Variants in SHANK2 observed in about 807,000 individuals in gnomAD.
The protein encoded by SHANK2 is SH3 and multiple ankyrin repeat domains 2, also known as SH3 and multiple ankyrin repeat domains protein 2.
In SHANK2, 43 loss-of-function variants were observed where a neutral mutation model predicts 133.7. That is an observed-to-expected ratio of 0.32 (90% CI 0.25 to 0.41). The LOEUF (loss-of-function observed/expected upper bound fraction) is 0.41, where lower values mean the gene tolerates loss of function less well. Ranked by LOEUF, SHANK2 falls within the 10% of genes least tolerant of loss-of-function variation. SHANK2 has a pLI of 1.00. For missense variants in SHANK2, 1,994 were observed against 2,235.8 expected, an observed-to-expected ratio of 0.89 and a Z score of 2.18; for synonymous variants, 1,017 against 952.8, an observed-to-expected ratio of 1.07 and a Z score of -1.24.
intron 17 of SHANK2, among the ~76,000 whole-genome samples, chr11:70,558,427 T>C (rs2136116589): frequency 6.6e-6 from 1 of 152,360 alleles, no homozygotes; most frequent in East Asian, 1.9e-4. Context: ...GCCACAGAGC[T>C]GGCCTTCAAG....
chr11:70,851,073 G>T (rs1822872), intron 11 of SHANK2, among the ~76,000 whole-genome samples: 4,919 of 152,260 alleles, frequency 0.032, 233 homozygotes, highest in African/African-American at 0.11. Context: ...TGTAGGGACT[G>T]TCAGTCCCTG....
intron 17 of SHANK2, among the ~76,000 whole-genome samples, chr11:70,585,883 C>A (rs1440448991): frequency 7.2e-6 from 1 of 138,754 alleles, no homozygotes; most frequent in Non-Finnish European, 1.6e-5. Context: ...TCCATCCATC[C>A]ATGCATCCAC....
At chr11:70,769,565 A>AG (rs34245153) in intron 14 of SHANK2, among the ~76,000 whole-genome samples, 35,034 of 151,906 alleles carry the variant, frequency 0.23, 5,856 homozygotes, top group African/African-American at 0.47. Context: ...GGGGTGGGGC[A>AG]GGGGGGCTCT....
chr11:70,787,836 A>G (rs1555047029), intron 14 of SHANK2, among the ~76,000 whole-genome samples: 2 of 152,150 alleles, frequency 1.3e-5, no homozygotes, highest in Non-Finnish European at 1.5e-5. Flanking sequence ...AGATGTATCT[A>G]TGTTTAGGTC....
intron 22 of SHANK2, among the ~76,000 whole-genome samples, chr11:70,491,535 G>A (rs1043094590): frequency 1.3e-5 from 2 of 152,242 alleles, no homozygotes; most frequent in African/African-American, 4.8e-5. Flanking sequence ...GAAAAGCCTT[G>A]TGGTAAATTT....
In SHANK2 at chr11:70,479,796, T is replaced by C. The variant is rs1008749538; in HGVS notation, c.4979+5518A>G. 2.6e-5 allele frequency among the ~76,000 whole-genome samples: 4 copies of C among 152,246 alleles called. No homozygotes were observed. The highest frequency in any genetic ancestry group is 2.0e-4 in the Admixed American group (3 of 15,288). ...CTGGCTTTACTATCGGCGCCTGGTA[T>C]GTGTCAGTATCTCTCAATAAAGCTG... On this transcript the variant is annotated intron_variant, in intron 25 of 25. Coordinates refer to ENST00000601538, the MANE Select transcript of SHANK2 (RefSeq NM_012309.5). The surrounding 1 kb of genome is among the most constrained non-coding windows in gnomAD (Gnocchi z 4.4).
intron 3 of SHANK2, among the ~76,000 whole-genome samples, chr11:71,127,973 G>A (rs1158148822): frequency 1.1e-4 from 16 of 152,156 alleles, no homozygotes; most frequent in African/African-American, 2.2e-4. Context: ...CGCGTCTGCC[G>A]GCTGGAGCCC....
intron 17 of SHANK2, among the ~76,000 whole-genome samples, chr11:70,608,869 C>T (rs2060616854): frequency 6.6e-6 from 1 of 152,242 alleles, no homozygotes; most frequent in Non-Finnish European, 1.5e-5. Context: ...ACCCTTACAA[C>T]ACAGTCCCCA....
intron 20 of SHANK2, among the ~76,000 whole-genome samples, chr11:70,501,268 C>T (rs192893702): frequency 4.6e-5 from 7 of 152,212 alleles, no homozygotes; most frequent in African/African-American, 1.2e-4. Context: ...CGCCCTGGGC[C>T]GAGGAAGGAT....
At chr11:71,184,766 T>C (rs1953637819) in intron 2 of SHANK2, among the ~76,000 whole-genome samples, 1 of 152,218 alleles carries the variant, frequency 6.6e-6, no homozygotes, top group African/African-American at 2.4e-5. Flanking sequence ...CGGCGGCTGA[T>C]TGAACATTCT....
chr11:70,862,033 G>A (rs1483076942), intron 11 of SHANK2, among the ~76,000 whole-genome samples: 2 of 152,120 alleles, frequency 1.3e-5, no homozygotes, highest in African/African-American at 4.8e-5. Flanking sequence ...TGTCGCACTG[G>A]GTCTCCCAGG....
Position 71,092,317 on chromosome 11 carries a change from G to C in SHANK2, c.912+105C>G, listed in dbSNP as rs560335252. The C allele has an allele frequency of 1.4e-5, 18 of 1,258,574 alleles. 1 individual carries two copies. In the South Asian group the frequency reaches 2.2e-4, roughly 15 times the overall value. The allele number at this position is 1,258,574 out of a possible 1,614,324, so 78.0% of individuals were successfully genotyped here. A position where few individuals can be genotyped will look rare whatever the true frequency, so the allele number is the denominator to read the frequency against. On this transcript the variant is annotated intron_variant, in intron 8 of 25. Transcript: ENST00000601538. ...TCTGGGCAGGCCAAACAAAATACCT[G>C]AAGGCAGGATCTAACCTTTGGGCCA...
chr11:70,498,502 T>C (rs528516079), intron 21 of SHANK2, among the ~76,000 whole-genome samples: 2 of 152,306 alleles, frequency 1.3e-5, no homozygotes, highest in Non-Finnish European at 2.9e-5. Context: ...GTCCCCTTCA[T>C]GTGCCCAGGG....
intron 14 of SHANK2, among the ~76,000 whole-genome samples, chr11:70,794,383 G>T (rs565820381): frequency 2.6e-5 from 4 of 152,104 alleles, no homozygotes; most frequent in East Asian, 1.9e-4. Flanking sequence ...AGTACAAGTT[G>T]CAGGGTCTCA....
rs1269801355 is a variant in SHANK2 at position 70,639,876 on chromosome 11, G to A, written c.2061+19952C>T. On this transcript the variant is annotated intron_variant, in intron 17 of 25. Coordinates refer to ENST00000601538, the MANE Select transcript of SHANK2 (RefSeq NM_012309.5). ...CGGCCTCTCAGTGGTGGAGTTCTAC[G>A]TGGCTGGGATTGGGACATCAGTGGA... Among the ~76,000 whole-genome samples, 6 of 152,182 alleles carry A rather than the reference G, an allele frequency of 3.9e-5. No individual in the cohort carries two copies. In the East Asian group the frequency reaches 1.2e-3, roughly 29 times the overall value.
At chr11:70,558,108 C>T (rs551485197) in intron 17 of SHANK2, among the ~76,000 whole-genome samples, 1 of 152,230 alleles carries the variant, frequency 6.6e-6, no homozygotes, top group East Asian at 1.9e-4. Context: ...TGGCAGGGGT[C>T]CAGCTGCCCA....
At chr11:70,548,905 C>T (rs1472442326) in intron 17 of SHANK2, among the ~76,000 whole-genome samples, 1 of 152,128 alleles carries the variant, frequency 6.6e-6, no homozygotes, top group Non-Finnish European at 1.5e-5. Context: ...GCTGCTGCTG[C>T]AAGCCAAGGG....
At position 70,486,180 on chromosome 11, in the gene SHANK2, G is replaced by A. The variant is rs144836592; in HGVS notation, c.4113C>T (p.Pro1371=). 142 of 1,613,446 alleles carry A rather than the reference G, an allele frequency of 8.8e-5. No individual in the cohort carries two copies. In the African/African-American group the frequency reaches 1.6e-3, roughly 18 times the overall value. Residue 1371 remains proline (P), a synonymous_variant, in exon 25 of 26, where the codon CCC becomes CCT. Coordinates refer to ENST00000601538, the MANE Select transcript of SHANK2 (RefSeq NM_012309.5). The surrounding 1 kb of genome is among the most constrained non-coding windows in gnomAD (Gnocchi z 8.0). ...ISAAPEPTTV[P]GRTIVAVGSM... is the part of the protein sequence containing the mutation. ...AGCCCACCGCGACGATGGTTCTGCC[G>A]GGCACGGTGGTGGGCTCGGGGGCAG...
At chr11:71,097,635 G>A (rs553628076) in intron 6 of SHANK2, among the ~76,000 whole-genome samples, 2 of 152,234 alleles carry the variant, frequency 1.3e-5, no homozygotes, top group South Asian at 2.1e-4. Flanking sequence ...TGGCTCCAGG[G>A]ATAAGCAGGA....
Sources: gnomAD v4.1 joint callset for allele counts (sites outside exome capture counted in the v4.1 genomes callset) on GRCh38, gnomAD v4.1.1 for gene constraint, Gnocchi (gnomAD v3.1) non-coding constraint, MANE v1.5 for transcripts, NCBI Gene and HGNC (gene_info 2026-07-23, HGNC 2026-07-21) for gene names.